HELZ: variants seen among roughly 807,000 people sequenced by gnomAD.
HELZ encodes ATP-dependent RNA helicase with zinc finger domain.
HELZ carries 23 observed loss-of-function variants against 218.2 expected under a neutral mutation model. The observed-to-expected ratio is 0.11, with a 90% confidence interval of 0.08 to 0.15. The LOEUF (loss-of-function observed/expected upper bound fraction) is 0.15. HELZ is among the 10% of genes least tolerant of loss of function. HELZ has a pLI of 1.00. For synonymous variants in HELZ, 814 were observed against 829.4 expected (o/e 0.98, Z 0.32); for missense variants, 1,813 against 2,353.7 (o/e 0.77, Z 4.75).
At chr17:67,230,745 G>C (rs2041016569) in intron 3 of HELZ, among the ~76,000 whole-genome samples, 1 of 152,000 alleles carries the variant, frequency 6.6e-6, no homozygotes, top group South Asian at 2.1e-4. Context: ...TGTAGACACA[G>C]AATCACATTA....
chr17:67,184,077 G>T (rs976389009), intron 12 of HELZ, among the ~76,000 whole-genome samples: 4 of 151,560 alleles, frequency 2.6e-5, no homozygotes, highest in Non-Finnish European at 5.9e-5. Context: ...ACTAAAGTAG[G>T]ATTTTTAGTT....
In HELZ at chr17:67,109,167, T is replaced by A. The variant is rs775123282; in HGVS notation, c.4438A>T (p.Asn1480Tyr). 1 of 1,613,932 alleles carries A rather than the reference T, an allele frequency of 6.2e-7. No individual in the cohort carries two copies. The highest frequency in any genetic ancestry group is 8.5e-7 in the Non-Finnish European group (1 of 1,180,010). Residue 1480 changes from asparagine (N) to tyrosine (Y), a missense_variant, in exon 29 of 33, where the codon AAT becomes TAT. Physicochemically the swap from Asn to Tyr is moderately radical, Grantham distance 143 (BLOSUM62 -2). Around this residue, in one of 4 missense-constraint regions of HELZ, gnomAD observed 938 missense variants for 1,027.5 expected, o/e 0.91. Coordinates refer to ENST00000358691, the MANE Select transcript of HELZ (RefSeq NM_014877.4). ...QPGPILPSHL[N>Y]SFIDENPSGL... Reference sequence around the variant, plus strand: ...GAGGGGTTCTCATCAATGAAGCTATTCAGATGTGAAGGAAGAATGGGGCCG... The same window carrying A: ...GAGGGGTTCTCATCAATGAAGCTATACAGATGTGAAGGAAGAATGGGGCCG...
chr17:67,086,631 A>AATATATATATATATATATATATAT (rs71139116), intron 32 of HELZ, among the ~76,000 whole-genome samples, 198 bp downstream of exon 32: 22 of 93,274 alleles, frequency 2.4e-4, no homozygotes, highest in Non-Finnish European at 3.1e-4. Flanking sequence ...TATAAATATA[A>AATATATATATATATATATATATAT]ATATATATAT....
intron 31 of HELZ, among the ~76,000 whole-genome samples, chr17:67,101,550 G>A (rs2036931631): frequency 6.6e-6 from 1 of 152,158 alleles, no homozygotes; most frequent in Non-Finnish European, 1.5e-5. Context: ...ATCTTACTCA[G>A]AGGTTAGAGT....
At chr17:67,198,650 G>GT in intron 7 of HELZ, among the ~76,000 whole-genome samples, 1 of 152,252 alleles carries the variant, frequency 6.6e-6, no homozygotes, top group South Asian at 2.1e-4. Context: ...AAGAATACTT[G>GT]TTTTTGTTTT....
intron 27 of HELZ, among the ~76,000 whole-genome samples, chr17:67,118,809 C>A (rs1205101888): frequency 6.9e-6 from 1 of 144,804 alleles, no homozygotes; most frequent in Non-Finnish European, 1.5e-5. Flanking sequence ...TAACTGAAGA[C>A]AATCAACCCA....
At chr17:67,235,242 C>T (rs1392419962) in intron 3 of HELZ, among the ~76,000 whole-genome samples, 1 of 152,112 alleles carries the variant, frequency 6.6e-6, no homozygotes, top group Non-Finnish European at 1.5e-5. Context: ...CGCGGTGGCT[C>T]ACACCTGTAA....
intron 22 of HELZ, 34 bp from the exon 23 acceptor site, chr17:67,136,232 A>G (rs1487814772): frequency 1.4e-6 from 2 of 1,386,144 alleles, no homozygotes; most frequent in Admixed American, 3.7e-5. Flanking sequence ...AAGACTTAAG[A>G]TTGTCATTCT....
chr17:67,200,907 G>T (rs2040151513), intron 7 of HELZ: 1 of 517,850 alleles, frequency 1.9e-6, no homozygotes, highest in South Asian at 2.9e-5. Flanking sequence ...AGGGACAGAA[G>T]ATAAGCCCTG....
chr17:67,172,225 T>G (rs1018213559), intron 13 of HELZ, among the ~76,000 whole-genome samples: 1 of 152,146 alleles, frequency 6.6e-6, no homozygotes, highest in East Asian at 1.9e-4. Flanking sequence ...AGCCCCTCCT[T>G]GACTACCCTC....
intron 5 of HELZ, among the ~76,000 whole-genome samples, chr17:67,211,315 T>C (rs1217836023): frequency 6.6e-6 from 1 of 152,190 alleles, no homozygotes; most frequent in Non-Finnish European, 1.5e-5. Context: ...AGGGAATTAT[T>C]AGAGAATTAT....
At position 67,128,673 on chromosome 17, in the gene HELZ, T is replaced by C. The variant is rs755568577; in HGVS notation, c.3365A>G (p.Lys1122Arg). The C allele has an allele frequency of 6.2e-7, 1 of 1,614,150 alleles. No homozygotes were observed. The change falls in exon 24 of 33, where the codon AAA becomes AGA. Residue 1122 changes from lysine (K) to arginine (R), a missense_variant. This residue lies in a region of HELZ where 938 missense variants were observed against 1,027.5 expected (regional missense o/e 0.91). Transcript: ENST00000358691. ...LRLQHSGSTN[K>R]QQQSPPKGKS... ...TACCTTGGGTGGTGATTGCTGCTGT[T>C]TGTTGGTACTTCCTGAATGCTGCAG...
chr17:67,120,016 T>TTTTTTTTTTTTTTTTTTTTTTTTTTTC, intron 27 of HELZ: 1 of 370,726 alleles, frequency 2.7e-6, no homozygotes, highest in Non-Finnish European at 5.0e-6. Flanking sequence ...TTTTTTTTTT[T>TTTTTTTTTTTTTTTTTTTTTTTTTTTC]TTTTTGAGAT....
intron 31 of HELZ, among the ~76,000 whole-genome samples, chr17:67,096,570 T>G (rs916571344): frequency 2.0e-5 from 3 of 152,258 alleles, no homozygotes; most frequent in East Asian, 1.9e-4. Flanking sequence ...CACTTGCTGT[T>G]TCACCTTGCA....
At chr17:67,132,190 T>C (rs2143913796) in intron 23 of HELZ, among the ~76,000 whole-genome samples, 1 of 151,826 alleles carries the variant, frequency 6.6e-6, no homozygotes, top group East Asian at 1.9e-4. Flanking sequence ...GATAAAACAC[T>C]AAAAAATCAC....
chr17:67,157,418 T>C (rs1647402668), intron 17 of HELZ, among the ~76,000 whole-genome samples: 1 of 152,196 alleles, frequency 6.6e-6, no homozygotes, highest in African/African-American at 2.4e-5. Context: ...CTGAGCCAAT[T>C]TTCTTGAAAG....
chr17:67,089,698 GAGACAGAGAGAC>G (rs2036518388), intron 31 of HELZ, among the ~76,000 whole-genome samples: 2 of 139,508 alleles, frequency 1.4e-5, no homozygotes, highest in Non-Finnish European at 3.0e-5. Flanking sequence ...GAGAGAGAGA[GAGACAGAGAGAC>G]AGAGAGAGAG....
chr17:67,107,651 C>T lies in HELZ; in HGVS notation c.4759G>A (p.Asp1587Asn). 6.2e-7 allele frequency: 1 copy of T among 1,613,832 alleles called. No homozygotes were observed. Among genetic ancestry groups the T allele is most frequent in the Non-Finnish European group, 8.5e-7 (1 of 1,179,972 alleles). The change falls in exon 31 of 33, where the codon GAT (aspartate) becomes AAT (asparagine). Residue 1587 changes from aspartate (D) to asparagine (N), a missense_variant. Physicochemically the swap from Asp to Asn is conservative, Grantham distance 23. Coordinates refer to ENST00000358691, the MANE Select transcript of HELZ (RefSeq NM_014877.4). ...QDLIRELSHR[D>N]QSETRELAEM... ...GCTAGTTCCCGTGTTTCACTTTGAT[C>T]ACGATGAGACAGTTCTCTGATTAAG...
chr17:67,190,055 A>G, intron 10 of HELZ, 102 bp downstream of exon 10: 1 of 912,250 alleles, frequency 1.1e-6, no homozygotes, highest in Non-Finnish European at 1.7e-6. Flanking sequence ...AGTTCTTTGC[A>G]AAGAAGATAA....
Sources: allele counts gnomAD v4.1 joint callset (sites outside exome capture counted in the v4.1 genomes callset), GRCh38; gene constraint gnomAD v4.1.1; regional missense constraint gnomAD v4.1.1; transcripts MANE v1.5; gene names NCBI Gene and HGNC (gene_info 2026-07-23, HGNC 2026-07-21).